The following TRAPPC9 variants were observed in gnomAD, a reference collection of about 807,000 sequenced individuals.
The protein encoded by TRAPPC9 is trafficking protein particle complex subunit 9.
In TRAPPC9, 83 loss-of-function variants were observed where a neutral mutation model predicts 124.0. The ratio of observed to expected loss-of-function variants is 0.67; its 90% CI spans 0.56 to 0.80. TRAPPC9 has a LOEUF of 0.80. Ranked by LOEUF, TRAPPC9 falls within the 30% of genes least tolerant of loss-of-function variation. The probability of loss-of-function intolerance (pLI) is 0.00; values close to 1 mark genes in which losing one functional copy is unlikely to be tolerated. For synonymous variants in TRAPPC9, 638 were observed against 617.5 expected (o/e 1.03, Z -0.49); for missense variants, 1,302 against 1,508.3 (o/e 0.86, Z 2.27).
chr8:139,816,882 A>C (rs1205670327), intron 21 of TRAPPC9, among the ~76,000 whole-genome samples: 1 of 152,040 alleles, frequency 6.6e-6, no homozygotes, highest in Non-Finnish European at 1.5e-5. Context: ...CTGCACATGC[A>C]GGCACAGTCT....
rs1185737365 is a variant in TRAPPC9, at chr8:140,172,384, TGTGGGC to T, written c.2556+49069_2556+49074del. Among the ~76,000 whole-genome samples the T allele has an allele frequency of 7.8e-4, 108 of 137,588 alleles. 3 individuals carry two copies. The highest frequency in any genetic ancestry group is 4.1e-3 in the Middle Eastern group (1 of 246). 90.3% of individuals were successfully genotyped at this position (137,588 alleles called of 152,430 possible). On this transcript the variant is annotated intron_variant, in intron 17 of 22. Transcript: ENST00000438773. ...ACAATGGAGGGGGAGTTAAACTACC[TGTGGGC>T]AATGGAGGGGGGTTAAACTACCTGT...
chr8:140,416,784 A>C (rs551188654), intron 5 of TRAPPC9, among the ~76,000 whole-genome samples: 26 of 152,308 alleles, frequency 1.7e-4, no homozygotes, highest in African/African-American at 6.0e-4. Context: ...AAAAAGAACA[A>C]AGCTGGAGGC....
chr8:140,001,272 G>A (rs1368402785), intron 18 of TRAPPC9, among the ~76,000 whole-genome samples: 1 of 152,050 alleles, frequency 6.6e-6, no homozygotes, highest in Non-Finnish European at 1.5e-5. Flanking sequence ...ATAGCATTAG[G>A]AGAAATACCT....
rs775795463 is a variant in TRAPPC9 at position 140,450,959 on chromosome 8, C to G, written c.415G>C (p.Glu139Gln). 6.2e-7 allele frequency: 1 copy of G among 1,614,004 alleles called. No homozygotes were observed. The highest frequency in any genetic ancestry group is 8.5e-7 in the Non-Finnish European group (1 of 1,180,030). The change falls in exon 2 of 23, where the codon GAG (glutamate) becomes CAG (glutamine). Residue 139 changes from glutamate (E) to glutamine (Q), a missense_variant. Glu to Gln is a conservative substitution (Grantham distance 29). This residue lies in a region of TRAPPC9 where 657 missense variants were observed against 811.2 expected (regional missense o/e 0.81). Coordinates refer to ENST00000438773, the MANE Select transcript of TRAPPC9 (RefSeq NM_001160372.4). ...RTDVAFYPNY[E>Q]DCQTVEKRIE... ...CTCTTCTCCACCGTCTGGCAGTCCT[C>G]GTAGTTGGGGTAGAAAGCCACGTCG...
chr8:140,035,856 C>T (rs1334260915), intron 17 of TRAPPC9, among the ~76,000 whole-genome samples: 1 of 152,190 alleles, frequency 6.6e-6, no homozygotes, highest in Non-Finnish European at 1.5e-5. Flanking sequence ...ACTGAGAACC[C>T]CTGCAGGAGA....
intron 20 of TRAPPC9, among the ~76,000 whole-genome samples, chr8:139,892,222 C>T (rs911177696): frequency 5.3e-5 from 8 of 152,240 alleles, no homozygotes; most frequent in Admixed American, 2.6e-4. Flanking sequence ...CTCTGGCCCC[C>T]ACCCCGGCAT....
chr8:139,928,776 C>T (rs1270138050), intron 19 of TRAPPC9, among the ~76,000 whole-genome samples: 1 of 150,692 alleles, frequency 6.6e-6, no homozygotes, highest in Non-Finnish European at 1.5e-5. Context: ...CCCAAGGCAC[C>T]GTACAGTCTG....
In TRAPPC9 at chr8:140,103,210, A is replaced by G. The variant is rs937815408; in HGVS notation, c.2557-79131T>C. Among the ~76,000 whole-genome samples the G allele has an allele frequency of 6.6e-5, 10 of 152,210 alleles. No homozygotes were observed. In the East Asian group the frequency reaches 1.7e-3, roughly 26 times the overall value. On this transcript the variant is annotated intron_variant, in intron 17 of 22. Transcript: ENST00000438773. Reference sequence around the variant, plus strand: ...ATCAGCGCTCTCTTCCAGACCCTCGATGACAATTGTTTACGAGCTTCCCTT... The same window carrying G: ...ATCAGCGCTCTCTTCCAGACCCTCGGTGACAATTGTTTACGAGCTTCCCTT...
intron 17 of TRAPPC9, among the ~76,000 whole-genome samples, chr8:140,183,219 G>C (rs929654936): frequency 2.6e-5 from 4 of 152,300 alleles, no homozygotes; most frequent in African/African-American, 9.6e-5. Context: ...ATTAATCCCT[G>C]CTTGGAGGTG....
rs1194918607 is a variant in TRAPPC9 at position 140,344,054 on chromosome 8, A to G, written c.1495+15996T>C. ...CCCCCCAAATTCACGTTATACCCTA[A>G]CTCCCAAGGTGATGGGATTAAGAGA... On this transcript the variant is annotated intron_variant, in intron 9 of 22. Transcript: ENST00000438773. Among the ~76,000 whole-genome samples the G allele has an allele frequency of 2.6e-5, 4 of 151,824 alleles. No homozygotes were observed. In the East Asian group the frequency reaches 7.8e-4, roughly 29 times the overall value.
chr8:140,322,910 T>C lies in TRAPPC9; in HGVS notation c.1496-11536A>G, dbSNP rs74576384. On this transcript the variant is annotated intron_variant, in intron 9 of 22. Coordinates refer to ENST00000438773, the MANE Select transcript of TRAPPC9 (RefSeq NM_001160372.4). ...ATATCGTAAAATATCTACTTGGCCT[T>C]TGACTACCTTGCCTGGCATACAACT... 4.5e-3 allele frequency among the ~76,000 whole-genome samples: 683 copies of C among 152,328 alleles called. 8 individuals carry two copies. Among genetic ancestry groups the C allele is most frequent in the African/African-American group, 0.015 (632 of 41,580 alleles).
Position 140,212,246 on chromosome 8 carries a change from A to C in TRAPPC9, c.2556+9213T>G, listed in dbSNP as rs374376803. On this transcript the variant is annotated intron_variant, in intron 17 of 22. Transcript: ENST00000438773. ...TGCCCAGGGCTGGTAGATGCATTTC[A>C]TCAGGCAGAGGAAGCTCCATCCTGT... Among the ~76,000 whole-genome samples, 15 of 152,360 alleles carry C rather than the reference A, an allele frequency of 9.8e-5. 1 individual carries two copies. The highest frequency in any genetic ancestry group is 3.6e-4 in the African/African-American group (15 of 41,592).
chr8:140,041,913 G>C (rs1041344024), intron 17 of TRAPPC9, among the ~76,000 whole-genome samples: 25 of 152,154 alleles, frequency 1.6e-4, no homozygotes, highest in African/African-American at 5.8e-4. Flanking sequence ...GGAGGTTGCA[G>C]TGAGCTGAGA....
intron 17 of TRAPPC9, among the ~76,000 whole-genome samples, chr8:140,146,336 G>A (rs140723735): frequency 2.5e-4 from 38 of 152,328 alleles, no homozygotes; most frequent in Admixed American, 1.7e-3. Flanking sequence ...GGGCCACCCC[G>A]GCATGGATGC....
In TRAPPC9 at chr8:139,742,557, C is replaced by G. The variant is rs1420214348; in HGVS notation, c.3056-10355G>C. Among the ~76,000 whole-genome samples, 3 of 152,176 alleles carry G rather than the reference C, an allele frequency of 2.0e-5. No homozygotes were observed. In the East Asian group the frequency reaches 5.8e-4, roughly 29 times the overall value. On this transcript the variant is annotated intron_variant, in intron 21 of 22. Transcript: ENST00000438773. The surrounding 1 kb of genome is among the most constrained non-coding windows in gnomAD (Gnocchi z 4.7). ...AGGGACCAGGCAAGTCAGGGGCCAC[C>G]AGAGAGGGTCAGGACCCAAACTTTG... is the stretch of plus-strand genomic sequence containing the variant.
At chr8:140,288,993 G>A (rs914554722) in intron 12 of TRAPPC9, among the ~76,000 whole-genome samples, 6 of 152,168 alleles carry the variant, frequency 3.9e-5, no homozygotes, top group East Asian at 1.9e-4. Flanking sequence ...TTGGGAGCCC[G>A]AGTTCTCACG....
chr8:140,399,428 A>G (rs2069191453), intron 6 of TRAPPC9, among the ~76,000 whole-genome samples: 2 of 152,238 alleles, frequency 1.3e-5, no homozygotes. Flanking sequence ...CTGCAAAGCC[A>G]CAGGGGCAGG....
chr8:140,423,620 T>TACACATATACATACACATATATA lies in TRAPPC9; in HGVS notation c.886+2972_886+2994dup, dbSNP rs1201910572. On this transcript the variant is annotated intron_variant, in intron 5 of 22. Transcript: ENST00000438773. Reference sequence around the variant, plus strand: ...CACACACACACACACATCACATATATACACATATACATACACATATATAAC... The same window carrying TACACATATACATACACATATATA: ...CACACACACACACACATCACATATATACACATATACATACACATATATAACACATATACATACACATATATAAC... 1.4e-4 allele frequency among the ~76,000 whole-genome samples: 18 copies of TACACATATACATACACATATATA among 129,720 alleles called. No homozygotes were observed. In the Admixed American group the frequency reaches 1.4e-3, roughly 10 times the overall value. 85.1% of individuals were successfully genotyped at this position (129,720 alleles called of 152,430 possible).
At chr8:140,086,640 G>C (rs926203318) in intron 17 of TRAPPC9, among the ~76,000 whole-genome samples, 1 of 152,092 alleles carries the variant, frequency 6.6e-6, no homozygotes, top group Non-Finnish European at 1.5e-5. Context: ...TCCCTCTCTC[G>C]GCCAGGCGTG....
Sources: gnomAD v4.1 joint callset for allele counts (sites outside exome capture counted in the v4.1 genomes callset) on GRCh38, gnomAD v4.1.1 for gene constraint, gnomAD v4.1.1 regional missense constraint, Gnocchi (gnomAD v3.1) non-coding constraint, MANE v1.5 for transcripts, NCBI Gene and HGNC (gene_info 2026-07-23, HGNC 2026-07-21) for gene names.